The following NEK6 variants were observed in gnomAD, a reference collection of about 807,000 sequenced individuals.
NEK6 encodes the protein serine/threonine-protein kinase Nek6.
A neutral mutation model predicts 43.5 loss-of-function variants in NEK6; 27 were observed. The observed-to-expected ratio is 0.62, with a 90% CI of 0.46 to 0.86. The LOEUF (loss-of-function observed/expected upper bound fraction) is 0.86, where lower values mean the gene tolerates loss of function less well. Ranked by LOEUF, NEK6 falls within the 40% of genes least tolerant of loss-of-function variation. The probability of loss-of-function intolerance (pLI) is 0.00; values close to 1 mark genes in which losing one functional copy is unlikely to be tolerated. For missense variants in NEK6, 318 were observed against 414.4 expected, an observed-to-expected ratio of 0.77 and a Z score of 2.02; for synonymous variants, 167 against 164.1, an observed-to-expected ratio of 1.02 and a Z score of -0.14.
At chr9:124,335,994 A>G (rs867689342) in intron 7 of NEK6, among the ~76,000 whole-genome samples, 17 of 152,214 alleles carry the variant, frequency 1.1e-4, no homozygotes, top group Middle Eastern at 3.4e-3. Flanking sequence ...AATTCCAGCA[A>G]TTTGGGAGGC....
intron 9 of NEK6, 98 bp from the exon 10 acceptor site, chr9:124,350,739 C>T: frequency 2.4e-6 from 2 of 824,380 alleles, no homozygotes; most frequent in Non-Finnish European, 4.1e-6. Context: ...CATCTAGTTG[C>T]TCTGAGGATG....
chr9:124,335,376 G>A (rs1466210006), intron 7 of NEK6, among the ~76,000 whole-genome samples: 3 of 152,182 alleles, frequency 2.0e-5, no homozygotes, highest in South Asian at 4.1e-4. Context: ...GCTGAGTAGC[G>A]GTTAGCCCCT....
intron 6 of NEK6, 65 bp from the exon 7 acceptor site, chr9:124,327,273 C>A: frequency 7.4e-7 from 1 of 1,349,090 alleles, no homozygotes; most frequent in Non-Finnish European, 1.1e-6. Flanking sequence ...CCCCCTTCCT[C>A]TCGTCCTGCC....
intron 1 of NEK6, among the ~76,000 whole-genome samples, chr9:124,283,719 A>G (rs1022930525): frequency 6.6e-6 from 1 of 152,048 alleles, no homozygotes; most frequent in Non-Finnish European, 1.5e-5. Flanking sequence ...GGCTTGCCTC[A>G]CCTTTAGGCC....
intron 1 of NEK6, among the ~76,000 whole-genome samples, chr9:124,283,428 G>A (rs1037718675): frequency 2.6e-5 from 4 of 152,260 alleles, no homozygotes; most frequent in East Asian, 1.9e-4. Flanking sequence ...TTGAGTGCAC[G>A]GGTGTAGCAC....
intron 1 of NEK6, among the ~76,000 whole-genome samples, chr9:124,282,864 C>T (rs1303401207): frequency 6.6e-6 from 1 of 152,252 alleles, no homozygotes; most frequent in Admixed American, 6.5e-5. Context: ...CATAGGCCGC[C>T]AGCCCTGGCT....
rs1420088183 is a variant in NEK6 at position 124,326,421 on chromosome 9, G to A, written c.497G>A (p.Arg166His). The A allele has an allele frequency of 4.4e-6, 7 of 1,608,286 alleles. No individual in the cohort carries two copies. The highest frequency in any genetic ancestry group is 3.3e-5 in the Admixed American group (2 of 59,970). The change falls in exon 6 of 10, where the codon CGC becomes CAC. Residue 166 changes from arginine (R) to histidine (H), a missense_variant. This residue lies in a region of NEK6 where 239 missense variants were observed against 344.4 expected (regional missense o/e 0.69). Transcript: ENST00000320246. The surrounding 1 kb of genome is among the most constrained non-coding windows in gnomAD (Gnocchi z 4.5). ...LCSAVEHMHS[R>H]RVMHRDIKPA... ...AGCGCCGTGGAGCACATGCATTCAC[G>A]CCGGGTGATGCACCGAGGTACGTGC...
At chr9:124,310,327 G>T (rs916777771) in intron 2 of NEK6, among the ~76,000 whole-genome samples, 1 of 152,260 alleles carries the variant, frequency 6.6e-6, no homozygotes, top group African/African-American at 2.4e-5. Flanking sequence ...AGACACTCAG[G>T]ATGCCTGCTC....
intron 1 of NEK6, among the ~76,000 whole-genome samples, chr9:124,267,868 G>C (rs988539198): frequency 6.6e-6 from 1 of 152,168 alleles, no homozygotes; most frequent in Non-Finnish European, 1.5e-5. Flanking sequence ...CCTTTCACTC[G>C]CACAGACCTT....
intron 9 of NEK6, among the ~76,000 whole-genome samples, 178 bp downstream of exon 9, chr9:124,348,000 G>C (rs576172557): frequency 8.9e-4 from 136 of 152,344 alleles, no homozygotes; most frequent in African/African-American, 3.2e-3. Flanking sequence ...CACTGAAGAA[G>C]GGGTTTCACC....
At chr9:124,348,964 G>A (rs1329453561) in intron 9 of NEK6, among the ~76,000 whole-genome samples, 2 of 152,278 alleles carry the variant, frequency 1.3e-5, no homozygotes, top group Non-Finnish European at 2.9e-5. Context: ...TTGATGGCAT[G>A]TCTTTGGTGG....
rs372838060 is a variant in NEK6, at chr9:124,347,697, C to T, written c.718-12C>T. 8.4e-5 allele frequency: 130 copies of T among 1,543,336 alleles called. No individual in the cohort carries two copies. The African/African-American group carries it at 1.2e-3, about 15-fold the overall frequency. ...GCCGAAAGCTTATCTTCGTTGTTCCCGTCCCTTGCAGATGGCAGCCCTCCA... is the reference window on the plus strand; with the variant it reads ...GCCGAAAGCTTATCTTCGTTGTTCCTGTCCCTTGCAGATGGCAGCCCTCCA... On this transcript the variant is annotated splice_polypyrimidine_tract_variant and intron_variant, in intron 8 of 9. Transcript: ENST00000320246.
At position 124,329,139 on chromosome 9, in the gene NEK6, G is replaced by A. The variant is rs373133887; in HGVS notation, c.622+1694G>A. 3.0e-4 allele frequency among the ~76,000 whole-genome samples: 45 copies of A among 152,356 alleles called. No individual in the cohort carries two copies. In the East Asian group the frequency reaches 6.7e-3, roughly 23 times the overall value. ...TGGGGACCCGGGCCACTGACTCTCC[G>A]TTGCTGGAAGGAAGCCTCGTCTTTC... On this transcript the variant is annotated intron_variant, in intron 7 of 9. Transcript: ENST00000320246.
rs544090347 is a variant in NEK6 at position 124,321,369 on chromosome 9, C to T, written c.295-90C>T. 2.6e-4 allele frequency: 197 copies of T among 765,558 alleles called. 3 individuals carry two copies. In the East Asian group the frequency reaches 4.5e-3, roughly 17 times the overall value. The allele number at this position is 765,558 out of a possible 1,614,324, so 47.4% of individuals were successfully genotyped here. A position where few individuals can be genotyped will look rare whatever the true frequency, so the allele number is the denominator to read the frequency against. Reference sequence around the variant, plus strand: ...TAGCAAATGCCAGGGCCTCAGTGACCGGGTGCCAGCAGGGTGCCGGTGGCA... The same window carrying T: ...TAGCAAATGCCAGGGCCTCAGTGACTGGGTGCCAGCAGGGTGCCGGTGGCA... On this transcript the variant is annotated intron_variant, in intron 4 of 9. Coordinates refer to ENST00000320246, the MANE Select transcript of NEK6 (RefSeq NM_014397.6).
At chr9:124,296,146 C>T (rs181903010) in intron 1 of NEK6, among the ~76,000 whole-genome samples, 204 of 152,370 alleles carry the variant, frequency 1.3e-3, no homozygotes, top group African/African-American at 4.5e-3. Context: ...CAGTGGGCAT[C>T]CATCCTCGGC....
At chr9:124,292,583 G>A (rs1832475471) in intron 1 of NEK6, 9 of 1,535,942 alleles carry the variant, frequency 5.9e-6, no homozygotes, top group Non-Finnish European at 7.9e-6. Context: ...CCCCGGGGCT[G>A]TTCCACTTGG....
intron 1 of NEK6, among the ~76,000 whole-genome samples, chr9:124,278,101 A>G (rs1831722246): frequency 6.6e-6 from 1 of 152,216 alleles, no homozygotes; most frequent in East Asian, 1.9e-4. Flanking sequence ...TTCCACGTGT[A>G]AACACACAAA....
intron 1 of NEK6, among the ~76,000 whole-genome samples, chr9:124,297,521 GAC>G (rs900078673): frequency 3.3e-5 from 5 of 152,206 alleles, no homozygotes; most frequent in Admixed American, 2.6e-4. Flanking sequence ...GGTGCCTGGG[GAC>G]ACACAGCACA....
intron 7 of NEK6, among the ~76,000 whole-genome samples, chr9:124,333,876 C>T (rs944955595): frequency 3.4e-5 from 5 of 148,888 alleles, no homozygotes; most frequent in African/African-American, 9.9e-5. Flanking sequence ...CTCCCGGGTT[C>T]AAGAGATTCT....
Sources: allele counts gnomAD v4.1 joint callset (sites outside exome capture counted in the v4.1 genomes callset), GRCh38; gene constraint gnomAD v4.1.1; regional missense constraint gnomAD v4.1.1; non-coding constraint Gnocchi (gnomAD v3.1); transcripts MANE v1.5; gene names NCBI Gene and HGNC (gene_info 2026-07-23, HGNC 2026-07-21).